AFAP1: variants seen among roughly 807,000 people sequenced by gnomAD.
AFAP1 encodes actin filament-associated protein 1.
AFAP1 carries 75 observed loss-of-function variants against 93.9 expected under a neutral mutation model. The observed-to-expected ratio is 0.80, with a 90% CI of 0.66 to 0.97. The LOEUF is 0.97. Ranked by LOEUF, AFAP1 falls within the 50% of genes least tolerant of loss-of-function variation. The pLI is 0.00. For synonymous variants in AFAP1, 517 were observed against 430.7 expected (o/e 1.20, Z -2.48); for missense variants, 1,201 against 1,050.8 (o/e 1.14, Z -1.98).
chr4:7,897,534 G>GC (rs1306371061), intron 1 of AFAP1, among the ~76,000 whole-genome samples: 8 of 131,312 alleles, frequency 6.1e-5, no homozygotes, highest in African/African-American at 1.8e-4. Context: ...TTGTTTTTGT[G>GC]GTTTTTTTGA....
At chr4:7,781,061 T>C (rs1196878683) in intron 13 of AFAP1, among the ~76,000 whole-genome samples, 2 of 130,902 alleles carry the variant, frequency 1.5e-5, no homozygotes, top group African/African-American at 2.9e-5. Flanking sequence ...TTCTGGAAAG[T>C]TTTATTACCC....
chr4:7,916,161 T>TC (rs1214120491), intron 1 of AFAP1, among the ~76,000 whole-genome samples: 1 of 152,030 alleles, frequency 6.6e-6, no homozygotes, highest in African/African-American at 2.4e-5. Context: ...ACCTGCAATT[T>TC]CCCCAAAGAA....
intron 8 of AFAP1, among the ~76,000 whole-genome samples, chr4:7,810,404 T>A (rs1163059535): frequency 2.0e-5 from 3 of 152,156 alleles, no homozygotes; most frequent in Non-Finnish European, 4.4e-5. Flanking sequence ...AAGAAAAACA[T>A]CACTGACGCA....
intron 11 of AFAP1, among the ~76,000 whole-genome samples, chr4:7,787,000 C>A (rs1369625330): frequency 6.6e-6 from 1 of 152,254 alleles, no homozygotes; most frequent in East Asian, 1.9e-4. Context: ...CCGCTGACAG[C>A]GGCCCGAGAA....
rs1166085361 is a variant in AFAP1 at position 7,768,936 on chromosome 4, G to T, written c.2326C>A (p.Pro776Thr). The T allele has an allele frequency of 6.2e-7, 1 of 1,613,878 alleles. No homozygotes were observed. Among genetic ancestry groups the T allele is most frequent in the Non-Finnish European group, 8.5e-7 (1 of 1,179,880 alleles). ...SSCDTSDTEG[P>T]VPVNSAAVLK... ...ACGGCCGCGCTGTTCACCGGCACGGGGCCCTCGGTGTCACTGGTGTCACAG... is the reference window on the plus strand; with the variant it reads ...ACGGCCGCGCTGTTCACCGGCACGGTGCCCTCGGTGTCACTGGTGTCACAG... The change falls in exon 17 of 18, where the codon CCC (proline) becomes ACC (threonine). Residue 776 changes from proline (P) to threonine (T), a missense_variant. Physicochemically the swap from Pro to Thr is conservative, Grantham distance 38. Coordinates refer to ENST00000420658, the MANE Select transcript of AFAP1 (RefSeq NM_001134647.2).
At chr4:7,839,492 TGA>T (rs1204749697) in intron 5 of AFAP1, among the ~76,000 whole-genome samples, 1 of 152,118 alleles carries the variant, frequency 6.6e-6, no homozygotes, top group African/African-American at 2.4e-5. Flanking sequence ...ACAGCCCTAA[TGA>T]GAGAAAATGG....
At chr4:7,901,270 G>A (rs1719101261) in intron 1 of AFAP1, among the ~76,000 whole-genome samples, 1 of 152,196 alleles carries the variant, frequency 6.6e-6, no homozygotes, top group African/African-American at 2.4e-5. Context: ...GGTGCCTATT[G>A]CACCTTAACA....
intron 10 of AFAP1, among the ~76,000 whole-genome samples, chr4:7,799,710 GA>G (rs1416715714): frequency 2.0e-5 from 3 of 152,034 alleles, no homozygotes; most frequent in South Asian, 2.1e-4. Flanking sequence ...AAAATCACAG[GA>G]AAAAAAGGTC....
At chr4:7,871,311 G>C (rs972257825) in intron 2 of AFAP1, among the ~76,000 whole-genome samples, 2 of 152,320 alleles carry the variant, frequency 1.3e-5, no homozygotes, top group East Asian at 3.9e-4. Flanking sequence ...GGACAAGGGT[G>C]GTTCACTGTG....
chr4:7,799,871 TAAC>T (rs1718858762), intron 10 of AFAP1, among the ~76,000 whole-genome samples: 1 of 152,084 alleles, frequency 6.6e-6, no homozygotes, highest in African/African-American at 2.4e-5. Context: ...GCCAAATAAA[TAAC>T]AAAGCGTGCA....
intron 1 of AFAP1, among the ~76,000 whole-genome samples, chr4:7,917,766 T>C (rs912445803): frequency 6.6e-6 from 1 of 152,114 alleles, no homozygotes; most frequent in African/African-American, 2.4e-5. Context: ...GAACCACCCT[T>C]CCAAACTCCT....
rs1243894707 is a variant in AFAP1, at chr4:7,778,832, T to C, written c.1827A>G (p.Gly609=). 1.2e-6 allele frequency: 2 copies of C among 1,614,220 alleles called. No individual in the cohort carries two copies. Among genetic ancestry groups the C allele is most frequent in the Non-Finnish European group, 8.5e-7 (1 of 1,180,046 alleles). ...KPPVASNGVT[G]KGKTLSSQPK... ...GCTGACTGCTCAGAGTCTTCCCTTT[T>C]CCTGTGACCCCATTAGACGCCACGG... The change falls in exon 14 of 18, where the codon GGA becomes GGG. Residue 609 remains glycine, a synonymous_variant. Transcript: ENST00000420658.
At chr4:7,914,131 C>T (rs924146659) in intron 1 of AFAP1, among the ~76,000 whole-genome samples, 1 of 151,738 alleles carries the variant, frequency 6.6e-6, no homozygotes, top group Non-Finnish European at 1.5e-5. Flanking sequence ...CTCAGCTCAC[C>T]GCAACCTCTG....
chr4:7,909,566 C>T (rs568015719), intron 1 of AFAP1, among the ~76,000 whole-genome samples: 10 of 152,152 alleles, frequency 6.6e-5, no homozygotes, highest in Admixed American at 1.3e-4. Context: ...ATATACTTCA[C>T]GGCAGGTAGT....
intron 6 of AFAP1, among the ~76,000 whole-genome samples, chr4:7,835,053 C>T (rs1277830404): frequency 9.7e-6 from 1 of 102,954 alleles, no homozygotes; most frequent in South Asian, 4.4e-4. Flanking sequence ...CTTAAGGTTA[C>T]CTGGGTGGCT....
Position 7,817,748 on chromosome 4 carries a change from A to G in AFAP1, c.822+1328T>C, listed in dbSNP as rs1347649518. Among the ~76,000 whole-genome samples, 5 of 141,142 alleles carry G rather than the reference A, an allele frequency of 3.5e-5. No individual in the cohort carries two copies. In the East Asian group the frequency reaches 1.0e-3, roughly 29 times the overall value. 92.6% of individuals were successfully genotyped at this position (141,142 alleles called of 152,430 possible). On this transcript the variant is annotated intron_variant, in intron 7 of 17. Transcript: ENST00000420658. ...TTGTTAAAAACCTGGAAATTTGCTA[A>G]TAATATAAAGGTTAAGTAAAAAAAA...
rs973470231 is a variant in AFAP1 at position 7,761,099 on chromosome 4, C to T, written c.*2666G>A. The T allele has an allele frequency of 6.6e-6, 1 of 152,242 alleles. No individual in the cohort carries two copies. Among genetic ancestry groups the T allele is most frequent in the African/African-American group, 2.4e-5 (1 of 41,460 alleles). The allele number at this position is 152,242 out of a possible 1,614,324, so 9.4% of individuals were successfully genotyped here. ...GAGGGGAATAAAATGACATCACTGT[C>T]AGAATTCTGGCAAGATGGCTCGCGT... On this transcript the variant is annotated 3_prime_UTR_variant, in exon 18 of 18. Transcript: ENST00000420658.
chr4:7,875,184 G>T (rs558305117), intron 1 of AFAP1, among the ~76,000 whole-genome samples: 28 of 152,256 alleles, frequency 1.8e-4, no homozygotes, highest in Non-Finnish European at 2.9e-4. Context: ...CTCGTCTGTG[G>T]GATTCTTCCA....
intron 2 of AFAP1, among the ~76,000 whole-genome samples, chr4:7,870,263 T>G (rs916384027): frequency 3.9e-5 from 6 of 152,144 alleles, no homozygotes; most frequent in Admixed American, 1.3e-4. Flanking sequence ...CCACCTATGA[T>G]AAAGGGCCTT....
Sources: allele counts gnomAD v4.1 joint callset (sites outside exome capture counted in the v4.1 genomes callset), GRCh38; gene constraint gnomAD v4.1.1; transcripts MANE v1.5; gene names NCBI Gene and HGNC (gene_info 2026-07-23, HGNC 2026-07-21).